LRP2: variants seen among roughly 807,000 people sequenced by gnomAD.
LRP2 encodes LDL receptor related protein 2.
Under a neutral mutation model 531.0 loss-of-function variants are expected in LRP2, and 172 were observed. The ratio of observed to expected loss-of-function variants is 0.32; its 90% CI spans 0.29 to 0.37. The LOEUF is 0.37. Ranked by LOEUF, LRP2 falls within the 10% of genes least tolerant of loss-of-function variation. The pLI, the probability that LRP2 is intolerant of heterozygous loss-of-function variation, is 1.00. For synonymous variants in LRP2, 1,992 were observed against 2,027.6 expected (o/e 0.98, Z 0.47); for missense variants, 5,167 against 5,868.3 (o/e 0.88, Z 3.90).
intron 1 of LRP2, among the ~76,000 whole-genome samples, chr2:169,326,051 T>C (rs1468428092): frequency 6.6e-6 from 1 of 151,758 alleles, no homozygotes; most frequent in Non-Finnish European, 1.5e-5. Context: ...AAGCCACAAA[T>C]AAATTCATAA....
intron 26 of LRP2, 104 bp from the exon 27 acceptor site, chr2:169,238,406 T>A: frequency 2.4e-6 from 2 of 836,044 alleles, no homozygotes; most frequent in Non-Finnish European, 2.0e-6. Flanking sequence ...AAAGAAGGTG[T>A]AATTCCAAAC....
At position 169,291,003 on chromosome 2, in the gene LRP2, G is replaced by A. The variant is rs745770105; in HGVS notation, c.770-6C>T. The stretch of plus-strand genomic sequence containing the variant: ...AACATCATGAGGACCGCTTTCTGTG[G>A]GGGGAAAAAGAGAGAGTTACAGGCC... On this transcript the variant is annotated splice_region_variant and splice_polypyrimidine_tract_variant and intron_variant, in intron 7 of 78. Coordinates refer to ENST00000649046, the MANE Select transcript of LRP2 (RefSeq NM_004525.3). 1 of 1,613,562 alleles carries A rather than the reference G, an allele frequency of 6.2e-7. No individual in the cohort carries two copies. Among genetic ancestry groups the A allele is most frequent in the South Asian group, 1.1e-5 (1 of 91,014 alleles).
At chr2:169,184,848 T>A (rs867043072) in intron 50 of LRP2, among the ~76,000 whole-genome samples, 1 of 152,180 alleles carries the variant, frequency 6.6e-6, no homozygotes, top group South Asian at 2.1e-4. Flanking sequence ...GCAACCTGCA[T>A]CTCCTGGGCT....
chr2:169,229,984 T>C (rs1559029449), intron 31 of LRP2, among the ~76,000 whole-genome samples: 2 of 152,214 alleles, frequency 1.3e-5, no homozygotes, highest in African/African-American at 4.8e-5. Context: ...ATTTAACATA[T>C]ATTGGCAATC....
At position 169,233,574 on chromosome 2, in the gene LRP2, G is replaced by A; in HGVS notation, c.4935C>T (p.Pro1645=). The change falls in exon 30 of 79, where the codon CCC becomes CCT. Residue 1645 remains proline (P), a synonymous_variant. Coordinates refer to ENST00000649046, the MANE Select transcript of LRP2 (RefSeq NM_004525.3). ...AGTCTTCAAAGAGAGTTAGGGCATA[G>A]GGGTGCCGTATAATCTGTGAGGCAG... is the stretch of plus-strand genomic sequence containing the variant. ...VIASDLIIRH[P]YALTLFEDSV... 6.2e-7 allele frequency: 1 copy of A among 1,614,102 alleles called. No individual in the cohort carries two copies. Among genetic ancestry groups the A allele is most frequent in the South Asian group, 1.1e-5 (1 of 91,078 alleles).
chr2:169,338,938 G>A (rs769786863), intron 1 of LRP2, among the ~76,000 whole-genome samples: 5 of 152,108 alleles, frequency 3.3e-5, no homozygotes, highest in South Asian at 2.1e-4. Context: ...ATCTAAAAAC[G>A]GAGATAATAA....
intron 1 of LRP2, among the ~76,000 whole-genome samples, chr2:169,354,003 G>T (rs551041543): frequency 2.7e-3 from 410 of 152,136 alleles, no homozygotes; most frequent in African/African-American, 9.5e-3. Context: ...GTAAGACCTT[G>T]TCTCAAAAAA....
At chr2:169,207,273 T>G (rs13417389) in intron 38 of LRP2, 23 bp from the exon 39 acceptor site, 1 of 1,534,584 alleles carries the variant, frequency 6.5e-7, no homozygotes, top group South Asian at 1.1e-5. Context: ...TGAAAGTGCA[T>G]GCTGATCAAT....
chr2:169,334,391 A>T (rs1430078481), intron 1 of LRP2, among the ~76,000 whole-genome samples: 1 of 152,218 alleles, frequency 6.6e-6, no homozygotes, highest in African/African-American at 2.4e-5. Context: ...AAATAAAATG[A>T]TATTAGAGTG....
rs2105294700 is a variant in LRP2, at chr2:169,181,597, C to G, written c.10020G>C (p.Trp3340Cys). 1 of 1,614,076 alleles carries G rather than the reference C, an allele frequency of 6.2e-7. No homozygotes were observed. Among genetic ancestry groups the G allele is most frequent in the Non-Finnish European group, 8.5e-7 (1 of 1,180,018 alleles). Residue 3340 changes from tryptophan to cysteine, a missense_variant, in exon 52 of 79, where the codon TGG (tryptophan) becomes TGC (cysteine). Trp to Cys is a radical substitution (Grantham distance 215). This residue lies in a region of LRP2 where 1,129 missense variants were observed against 1,362.7 expected (regional missense o/e 0.83). Transcript: ENST00000649046. The stretch of plus-strand genomic sequence containing the variant: ...CTCTCCCAATGTATGCGCGGTGACC[C>G]CAGTCTGCCCAGTAGAGGTACCTGT... ...PQYGYLYWAD[W>C]GHRAYIGRVG...
rs1642977657 is a variant in LRP2, at chr2:169,272,982, GAAACCC to G, written c.2055_2060del (p.Leu685_Gly686del). The stretch of plus-strand genomic sequence containing the variant: ...GGAAGCCGAATGTGCACTTGCAACG[GAAACCC>G]AAACCATCATTATCTGTTCTGTGGC... On this transcript the variant is annotated inframe_deletion, in exon 15 of 79. Transcript: ENST00000649046. 1 of 1,613,766 alleles carries G rather than the reference GAAACCC, an allele frequency of 6.2e-7. No individual in the cohort carries two copies.
chr2:169,345,670 A>T (rs1172390251), intron 1 of LRP2, among the ~76,000 whole-genome samples: 1 of 151,994 alleles, frequency 6.6e-6, no homozygotes. Context: ...AAAGCACTTC[A>T]TAAAGGCCGA....
At chr2:169,130,595 A>C (rs1484553726) in intron 77 of LRP2, among the ~76,000 whole-genome samples, 1 of 152,106 alleles carries the variant, frequency 6.6e-6, no homozygotes, top group African/African-American at 2.4e-5. Context: ...CCATGTTTTT[A>C]ATTGTTAGTC....
intron 9 of LRP2, among the ~76,000 whole-genome samples, chr2:169,285,632 C>G (rs1475867353): frequency 6.6e-6 from 1 of 152,260 alleles, no homozygotes. Context: ...CCCTTGGCCA[C>G]CCTCTGATCC....
At chr2:169,227,860 A>G (rs544538101) in intron 31 of LRP2, among the ~76,000 whole-genome samples, 1 of 152,278 alleles carries the variant, frequency 6.6e-6, no homozygotes, top group Admixed American at 6.5e-5. Flanking sequence ...TTCCACAACA[A>G]GCCTGCAAAG....
chr2:169,235,989 CAG>C lies in LRP2; in HGVS notation c.4769_4770del (p.Thr1590SerfsTer16), dbSNP rs1559032740. On this transcript the variant is annotated frameshift_variant, in exon 29 of 79. Coordinates refer to ENST00000649046, the MANE Select transcript of LRP2 (RefSeq NM_004525.3). LOFTEE classifies it high-confidence loss of function. ...CAGAAGATCTTGTCCTGGACAATGA[CAG>C]TGCGCATGCTGCCGTCCATGCTGGC... ...ERASMDGSMR[T>X]VIVQDKIFWP... is the part of the protein sequence containing the mutation. 6.2e-7 allele frequency: 1 copy of C among 1,614,202 alleles called. No homozygotes were observed.
Position 169,241,144 on chromosome 2 carries a change from C to G in LRP2, c.3889G>C (p.Gly1297Arg). 1 of 1,614,128 alleles carries G rather than the reference C, an allele frequency of 6.2e-7. No individual in the cohort carries two copies. ...AWLCDRDNDCGDMSDEKDCPT... is the reference protein window; with the variant it reads ...AWLCDRDNDCRDMSDEKDCPT... ...CAGTCCTTCTCATCACTCATATCCC[C>G]GCAGTCATTGTCCCGATCACAGAGC... The change falls in exon 25 of 79, where the codon GGG becomes CGG. Residue 1297 changes from glycine (G) to arginine (R), a missense_variant. Physicochemically the swap from Gly to Arg is moderately radical, Grantham distance 125 (BLOSUM62 -2). This residue lies in a region of LRP2 where 2,811 missense variants were observed against 3,058.0 expected (regional missense o/e 0.92). Transcript: ENST00000649046.
At chr2:169,346,082 C>A (rs1685690328) in intron 1 of LRP2, among the ~76,000 whole-genome samples, 1 of 152,168 alleles carries the variant, frequency 6.6e-6, no homozygotes, top group Non-Finnish European at 1.5e-5. Flanking sequence ...AAAAATAAAT[C>A]TGGATTACAG....
In LRP2 at chr2:169,179,207, A is replaced by T. The variant is rs186735245; in HGVS notation, c.10170-1181T>A. Among the ~76,000 whole-genome samples, 443 of 151,980 alleles carry T rather than the reference A, an allele frequency of 2.9e-3. 1 individual carries two copies. Among genetic ancestry groups the T allele is most frequent in the Middle Eastern group, 6.8e-3 (2 of 294 alleles). On this transcript the variant is annotated intron_variant, in intron 52 of 78. Transcript: ENST00000649046. ...ATTTTTGTAGAGACAGGGTTTCGTCATGTTGCCCAAGCTGGTCTTGAACTC... is the reference window on the plus strand; with the variant it reads ...ATTTTTGTAGAGACAGGGTTTCGTCTTGTTGCCCAAGCTGGTCTTGAACTC...
Sources: gnomAD v4.1 joint callset for allele counts (sites outside exome capture counted in the v4.1 genomes callset) on GRCh38, gnomAD v4.1.1 for gene constraint, gnomAD v4.1.1 regional missense constraint, MANE v1.5 for transcripts, NCBI Gene and HGNC (gene_info 2026-07-23, HGNC 2026-07-21) for gene names.